Variants in POU2F3 observed in about 807,000 individuals in gnomAD.
The protein encoded by POU2F3 is POU domain, class 2, transcription factor 3.
In POU2F3, 23 loss-of-function variants were observed where a neutral mutation model predicts 59.2. That is an observed-to-expected ratio of 0.39 (90% CI 0.28 to 0.55). The LOEUF (loss-of-function observed/expected upper bound fraction) is 0.55. Among genes scored for constraint, POU2F3 ranks in the 20% least tolerant of loss-of-function variants. POU2F3 has a pLI of 0.66. For synonymous variants in POU2F3, 190 were observed against 214.6 expected, an observed-to-expected ratio of 0.89 and a Z score of 1.00; for missense variants, 473 against 544.5, an observed-to-expected ratio of 0.87 and a Z score of 1.31.
chr11:120,264,564 A>C (rs187327706), intron 2 of POU2F3, among the ~76,000 whole-genome samples: 1 of 152,014 alleles, frequency 6.6e-6, no homozygotes, highest in Non-Finnish European at 1.5e-5. Context: ...ACAAGATCAG[A>C]CTCCACCTTT....
intron 3 of POU2F3, among the ~76,000 whole-genome samples, chr11:120,274,462 C>T (rs938764988): frequency 2.0e-5 from 3 of 152,130 alleles, no homozygotes; most frequent in African/African-American, 4.8e-5. Context: ...AAGATTTTGG[C>T]GACAGGTTGG....
chr11:120,245,809 C>T (rs1412172019), intron 1 of POU2F3, among the ~76,000 whole-genome samples: 1 of 152,102 alleles, frequency 6.6e-6, no homozygotes, highest in Non-Finnish European at 1.5e-5. Context: ...TCTCACTGAG[C>T]CAGTTGAAGG....
Position 120,246,436 on chromosome 11 carries a change from G to A in POU2F3, c.29-13G>A. ...GTGACCTGTTATTAAAATCAGTTGTGTTTTCCCTGCAGATATCAAGATGAG... is the reference window on the plus strand; with the variant it reads ...GTGACCTGTTATTAAAATCAGTTGTATTTTCCCTGCAGATATCAAGATGAG... On this transcript the variant is annotated splice_polypyrimidine_tract_variant and intron_variant, in intron 1 of 12. Coordinates refer to ENST00000543440, the MANE Select transcript of POU2F3 (RefSeq NM_014352.4). The A allele has an allele frequency of 6.2e-7, 1 of 1,613,602 alleles. No homozygotes were observed. The highest frequency in any genetic ancestry group is 8.5e-7 in the Non-Finnish European group (1 of 1,179,834).
At position 120,242,380 on chromosome 11, in the gene POU2F3, T is replaced by C. The variant is rs1938701467; in HGVS notation, c.28+2009T>C. On this transcript the variant is annotated intron_variant, in intron 1 of 12. Coordinates refer to ENST00000543440, the MANE Select transcript of POU2F3 (RefSeq NM_014352.4). ...TGTGGGGTCTGTGAAGGAGGATCGC[T>C]CTTCCCTCTATGGAATATCTCATTA... Among the ~76,000 whole-genome samples, 3 of 152,200 alleles carry C rather than the reference T, an allele frequency of 2.0e-5. No individual in the cohort carries two copies. In the South Asian group the frequency reaches 6.2e-4, roughly 32 times the overall value.
chr11:120,302,543 A>G (rs1390546692), intron 6 of POU2F3, 175 bp downstream of exon 6: 2 of 587,010 alleles, frequency 3.4e-6, no homozygotes, highest in Non-Finnish European at 5.9e-6. Flanking sequence ...TGGGGGGACA[A>G]TTTACCAAGT....
rs367579225 is a variant in POU2F3, at chr11:120,317,924, G to T, written c.1272-429G>T. ...GAAAGAGAGATTCTGCCCTGATTCA[G>T]AACAACACAGAGATGTGTAGGTTAC... On this transcript the variant is annotated intron_variant, in intron 12 of 12. Transcript: ENST00000543440. 1.4e-4 allele frequency among the ~76,000 whole-genome samples: 21 copies of T among 152,192 alleles called. No homozygotes were observed. In the East Asian group the frequency reaches 2.1e-3, roughly 15 times the overall value.
At chr11:120,306,770 C>T (rs531677954) in intron 8 of POU2F3, among the ~76,000 whole-genome samples, 4 of 152,178 alleles carry the variant, frequency 2.6e-5, no homozygotes, top group Non-Finnish European at 5.9e-5. Context: ...ACGGAAGGGC[C>T]TCCACACGCA....
At chr11:120,268,507 AT>A (rs1204226813) in intron 2 of POU2F3, among the ~76,000 whole-genome samples, 4 of 151,794 alleles carry the variant, frequency 2.6e-5, no homozygotes, top group Admixed American at 2.0e-4. Context: ...TGCCTGGCTA[AT>A]TTTTTTGTAT....
intron 3 of POU2F3, among the ~76,000 whole-genome samples, chr11:120,272,566 G>T (rs1291520950): frequency 6.6e-6 from 1 of 152,256 alleles, no homozygotes; most frequent in East Asian, 1.9e-4. Context: ...TGCCCTGGGT[G>T]AAGCTCCTGT....
chr11:120,311,541 T>C (rs190272200), intron 10 of POU2F3, among the ~76,000 whole-genome samples: 1 of 152,268 alleles, frequency 6.6e-6, no homozygotes, highest in African/African-American at 2.4e-5. Flanking sequence ...CTGGGCTAAC[T>C]GGGTAGATGG....
intron 10 of POU2F3, among the ~76,000 whole-genome samples, chr11:120,314,017 C>CCAA (rs1042620516): frequency 1.1e-3 from 166 of 151,648 alleles, no homozygotes; most frequent in Middle Eastern, 6.9e-3. Context: ...CCATCTCAAA[C>CCAA]CAACAACAAC....
intron 2 of POU2F3, among the ~76,000 whole-genome samples, chr11:120,261,987 C>T (rs1031657614): frequency 1.3e-5 from 2 of 152,174 alleles, no homozygotes; most frequent in Non-Finnish European, 2.9e-5. Context: ...AGAGTTCTTC[C>T]TTATGCTGAA....
At chr11:120,316,494 T>C (rs993331199) in intron 11 of POU2F3, among the ~76,000 whole-genome samples, 3 of 152,228 alleles carry the variant, frequency 2.0e-5, no homozygotes, top group African/African-American at 7.2e-5. Context: ...GACACAATCA[T>C]GGCTAACTGC....
At chr11:120,277,265 T>G (rs1395501149) in intron 3 of POU2F3, among the ~76,000 whole-genome samples, 1 of 151,488 alleles carries the variant, frequency 6.6e-6, no homozygotes, top group Admixed American at 6.6e-5. Flanking sequence ...CACTCCAGCC[T>G]GGGTGATAGA....
intron 3 of POU2F3, among the ~76,000 whole-genome samples, chr11:120,274,492 G>C (rs942065065): frequency 1.3e-5 from 2 of 152,214 alleles, no homozygotes; most frequent in African/African-American, 2.4e-5. Context: ...GCAAAGAAGA[G>C]GGATGAGTTA....
chr11:120,243,655 A>G (rs965375134), intron 1 of POU2F3, among the ~76,000 whole-genome samples: 5 of 152,300 alleles, frequency 3.3e-5, no homozygotes, highest in African/African-American at 1.2e-4. Context: ...GTGAAGGGTT[A>G]CAGTGTCTCA....
At chr11:120,244,613 G>A (rs1938796312) in intron 1 of POU2F3, among the ~76,000 whole-genome samples, 1 of 152,172 alleles carries the variant, frequency 6.6e-6, no homozygotes, top group African/African-American at 2.4e-5. Flanking sequence ...ACCACCAGTG[G>A]GGGAGAACTT....
chr11:120,250,496 A>G (rs1939051429), intron 2 of POU2F3: 1 of 152,254 alleles, frequency 6.6e-6, no homozygotes, highest in Admixed American at 6.5e-5. Context: ...AGCAGGTATT[A>G]TTAGCCTACT....
intron 3 of POU2F3, among the ~76,000 whole-genome samples, chr11:120,288,697 G>T (rs1940908988): frequency 6.6e-6 from 1 of 151,376 alleles, no homozygotes; most frequent in Admixed American, 6.6e-5. Context: ...GAGGTCTGTG[G>T]GCCACACCCC....
Sources: allele counts gnomAD v4.1 joint callset (sites outside exome capture counted in the v4.1 genomes callset), GRCh38; gene constraint gnomAD v4.1.1; transcripts MANE v1.5; gene names NCBI Gene and HGNC (gene_info 2026-07-23, HGNC 2026-07-21).